MMP2: variants seen among roughly 807,000 people sequenced by gnomAD.
MMP2 encodes matrix metallopeptidase 2.
A neutral mutation model predicts 74.8 loss-of-function variants in MMP2; 39 were observed. That is an observed-to-expected ratio of 0.52 (90% confidence interval 0.40 to 0.68). The LOEUF is 0.68. Among genes scored for constraint, MMP2 ranks in the 30% least tolerant of loss-of-function variants. MMP2 has a pLI of 0.00. For missense variants in MMP2, 803 were observed against 878.3 expected (o/e 0.91, Z 1.08); for synonymous variants, 367 against 339.8 (o/e 1.08, Z -0.88).
At chr16:55,483,216 A>G in intron 2 of MMP2, 81 bp downstream of exon 2, 1 of 1,121,432 alleles carries the variant, frequency 8.9e-7, no homozygotes, top group Non-Finnish European at 1.3e-6. Context: ...CTCTCCACTC[A>G]GGGGATCCAT....
intron 9 of MMP2, among the ~76,000 whole-genome samples, chr16:55,495,208 A>C (rs1225742264): frequency 6.6e-6 from 1 of 152,216 alleles, no homozygotes; most frequent in African/African-American, 2.4e-5. Flanking sequence ...ACTGCTCTGC[A>C]GTTCCCATTG....
At chr16:55,486,343 GTGCC>G (rs1269856142) in intron 5 of MMP2, among the ~76,000 whole-genome samples, 79 of 104,894 alleles carry the variant, frequency 7.5e-4, no homozygotes, top group African/African-American at 2.6e-3. Flanking sequence ...GTGTGTGTGT[GTGCC>G]TGTGTGTGTG....
At chr16:55,479,704 C>A (rs1294217287) in intron 1 of MMP2, 72 bp downstream of exon 1, 4 of 1,597,966 alleles carry the variant, frequency 2.5e-6, no homozygotes, top group African/African-American at 1.3e-5. Flanking sequence ...GGGTGTCTCT[C>A]CCCCTGCCCT....
At chr16:55,500,477 G>C (rs1358936393) in intron 11 of MMP2, among the ~76,000 whole-genome samples, 1 of 131,352 alleles carries the variant, frequency 7.6e-6, no homozygotes, top group African/African-American at 3.0e-5. Flanking sequence ...GAACATGATT[G>C]TGTGCGCATG....
intron 8 of MMP2, among the ~76,000 whole-genome samples, chr16:55,492,818 A>C (rs1391684337): frequency 6.6e-6 from 1 of 152,180 alleles, no homozygotes; most frequent in Admixed American, 6.5e-5. Flanking sequence ...TCTTGTGGGC[A>C]TAAGAATCTG....
At chr16:55,491,980 G>A (rs1962419063) in intron 8 of MMP2, 24 bp downstream of exon 8, 1 of 1,583,382 alleles carries the variant, frequency 6.3e-7, no homozygotes, top group East Asian at 2.3e-5. Context: ...CGGGGGTTGG[G>A]GGTGGAGGGT....
In MMP2 at chr16:55,479,729, C is replaced by T. The variant is rs1370947128; in HGVS notation, c.153+97C>T. Reference sequence around the variant, plus strand: ...CCCCCTGCCCTCGGCGGTGGGCACACAGCGTGGGGGAGGGGCTTCGGTAAA... The same window carrying T: ...CCCCCTGCCCTCGGCGGTGGGCACATAGCGTGGGGGAGGGGCTTCGGTAAA... On this transcript the variant is annotated intron_variant, in intron 1 of 12. Coordinates refer to ENST00000219070, the MANE Select transcript of MMP2 (RefSeq NM_004530.6). 3.9e-6 allele frequency: 6 copies of T among 1,521,048 alleles called. No individual in the cohort carries two copies. The Admixed American group carries it at 1.1e-4, about 27-fold the overall frequency. 94.2% of individuals were successfully genotyped at this position (1,521,048 alleles called of 1,614,324 possible).
Position 55,505,675 on chromosome 16 carries a change from A to G in MMP2, c.*233A>G, listed in dbSNP as rs1450493146. 8.6e-6 allele frequency: 5 copies of G among 583,760 alleles called. No homozygotes were observed. The East Asian group carries it at 1.4e-4, about 17-fold the overall frequency. The allele number at this position is 583,760 out of a possible 1,614,324, so 36.2% of individuals were successfully genotyped here. On this transcript the variant is annotated 3_prime_UTR_variant, in exon 13 of 13. Coordinates refer to ENST00000219070, the MANE Select transcript of MMP2 (RefSeq NM_004530.6). ...CGCCCCTTCCCCCTCCAATCCCACC[A>G]ACCCTCAGAGCCACCCCTAAAGAGA...
chr16:55,504,117 C>T lies in MMP2; in HGVS notation c.1880-1222C>T, dbSNP rs148674010. On this transcript the variant is annotated intron_variant, in intron 12 of 12. Transcript: ENST00000219070. ...AGGCTGCAGTGAGCCGTGTTCATGC[C>T]GCTGCATTCCAGACTGGGTGACAGA... Among the ~76,000 whole-genome samples, 588 of 152,156 alleles carry T rather than the reference C, an allele frequency of 3.9e-3. 2 individuals are homozygous for T. The highest frequency in any genetic ancestry group is 0.01 in the Middle Eastern group (3 of 294).
intron 8 of MMP2, 56 bp from the exon 9 acceptor site, chr16:55,493,102 C>G (rs1962451666): frequency 1.2e-6 from 2 of 1,608,946 alleles, no homozygotes; most frequent in Non-Finnish European, 1.7e-6. Context: ...GGGGCTCACC[C>G]TAGTGGGGAG....
chr16:55,505,633 A>T lies in MMP2; in HGVS notation c.*191A>T, dbSNP rs1962782442. ...TCCCGGTGCCCAAGAATAGATGCTG[A>T]CTGTACTCCTCCCAGGCGCCCCTTC... On this transcript the variant is annotated 3_prime_UTR_variant, in exon 13 of 13. Coordinates refer to ENST00000219070, the MANE Select transcript of MMP2 (RefSeq NM_004530.6). 1 of 627,776 alleles carries T rather than the reference A, an allele frequency of 1.6e-6. No homozygotes were observed. Among genetic ancestry groups the T allele is most frequent in the Non-Finnish European group, 2.9e-6 (1 of 350,086 alleles). The allele number at this position is 627,776 out of a possible 1,614,324, so 38.9% of individuals were successfully genotyped here. A position where few individuals can be genotyped will look rare whatever the true frequency, so the allele number is the denominator to read the frequency against.
At position 55,479,413 on chromosome 16, in the gene MMP2, C is replaced by T; in HGVS notation, c.-67C>T. ...CGCCGCGGAGCAGGCTCCAACCAGG[C>T]GGCGAGGCGGCCACACGCACCGAGC... On this transcript the variant is annotated 5_prime_UTR_variant, in exon 1 of 13. Coordinates refer to ENST00000219070, the MANE Select transcript of MMP2 (RefSeq NM_004530.6). 2.9e-6 allele frequency: 4 copies of T among 1,395,668 alleles called. No individual in the cohort carries two copies. The highest frequency in any genetic ancestry group is 3.7e-6 in the Non-Finnish European group (4 of 1,082,570). The allele number at this position is 1,395,668 out of a possible 1,614,324, so 86.5% of individuals were successfully genotyped here. A position where few individuals can be genotyped will look rare whatever the true frequency, so the allele number is the denominator to read the frequency against.
At chr16:55,484,252 C>A in intron 3 of MMP2, 88 bp downstream of exon 3, 1 of 1,485,590 alleles carries the variant, frequency 6.7e-7, no homozygotes, top group Non-Finnish European at 9.1e-7. Flanking sequence ...GCGTGGGGAT[C>A]CTAAGGGCGG....
At chr16:55,495,239 T>C (rs1962504011) in intron 9 of MMP2, among the ~76,000 whole-genome samples, 1 of 152,164 alleles carries the variant, frequency 6.6e-6, no homozygotes, top group Non-Finnish European at 1.5e-5. Flanking sequence ...GCAATGTGCT[T>C]CATCTGGAGC....
At chr16:55,482,562 T>G (rs1962130919) in intron 1 of MMP2, among the ~76,000 whole-genome samples, 1 of 152,250 alleles carries the variant, frequency 6.6e-6, no homozygotes, top group East Asian at 1.9e-4. Flanking sequence ...AACCTCTCTG[T>G]GCTTCAGTTT....
At chr16:55,485,143 A>G (rs1368661181) in intron 3 of MMP2, among the ~76,000 whole-genome samples, 156 bp from the exon 4 acceptor site, 1 of 152,096 alleles carries the variant, frequency 6.6e-6, no homozygotes, top group Non-Finnish European at 1.5e-5. Flanking sequence ...GCAGATCTCT[A>G]CTGAGCTCCT....
At position 55,485,758 on chromosome 16, in the gene MMP2, C is replaced by T. The variant is rs182850530; in HGVS notation, c.813C>T (p.Tyr271=). ...TTYNFEKDGK[Y]GFCPHEALFT... is the part of the protein sequence containing the mutation. ...ACAACTTTGAGAAGGATGGCAAGTA[C>T]GGCTTCTGTCCCCATGAAGGTGAGC... The change falls in exon 5 of 13, where the codon TAC becomes TAT. Residue 271 remains tyrosine, a synonymous_variant. Coordinates refer to ENST00000219070, the MANE Select transcript of MMP2 (RefSeq NM_004530.6). The T allele has an allele frequency of 1.5e-4, 241 of 1,613,904 alleles. 1 individual carries two copies. The highest frequency in any genetic ancestry group is 2.4e-4 in the African/African-American group (18 of 75,026).
chr16:55,480,499 C>G (rs1197569246), intron 1 of MMP2: 1 of 152,200 alleles, frequency 6.6e-6, no homozygotes, highest in African/African-American at 2.4e-5. Context: ...GCCAGAGAGC[C>G]CTCCTTCCTG....
chr16:55,491,889 C>T lies in MMP2; in HGVS notation c.1269C>T (p.Pro423=). The change falls in exon 8 of 13, where the codon CCC becomes CCT. Residue 423 remains proline (P), a synonymous_variant. Transcript: ENST00000219070. ...AAGACCCTGGGGCCCTGATGGCACC[C>T]ATTTACACCTACACCAAGAACTTCC... ...HSQDPGALMA[P]IYTYTKNFRL... 6.2e-7 allele frequency: 1 copy of T among 1,610,082 alleles called. No individual in the cohort carries two copies. Among genetic ancestry groups the T allele is most frequent in the African/African-American group, 1.3e-5 (1 of 74,794 alleles).
Sources: allele counts gnomAD v4.1 joint callset (sites outside exome capture counted in the v4.1 genomes callset), GRCh38; gene constraint gnomAD v4.1.1; transcripts MANE v1.5; gene names NCBI Gene and HGNC (gene_info 2026-07-23, HGNC 2026-07-21).